Variants in RIF1 observed in about 807,000 individuals in gnomAD.
RIF1 encodes telomere-associated protein RIF1.
Under a neutral mutation model 247.1 loss-of-function variants are expected in RIF1, and 45 were observed. The ratio of observed to expected loss-of-function variants is 0.18; its 90% CI spans 0.14 to 0.23. The LOEUF (loss-of-function observed/expected upper bound fraction) is 0.23. Among genes scored for constraint, RIF1 ranks in the 10% least tolerant of loss-of-function variants. The pLI, the probability that RIF1 is intolerant of heterozygous loss-of-function variation, is 1.00. For missense variants in RIF1, 2,967 were observed against 2,862.5 expected (o/e 1.04, Z -0.83); for synonymous variants, 1,087 against 978.8 (o/e 1.11, Z -2.06).
chr2:151,513,648 G>A, the RIF1 span: 1 of 1,609,566 alleles, frequency 6.2e-7, no homozygotes, highest in East Asian at 2.2e-5. Context: ...ATGGCATTCA[G>A]GCCTCTTCCT....
In RIF1 at chr2:151,461,254, A is replaced by C; in HGVS notation, c.3192A>C (p.Leu1064Phe). Reference sequence around the variant, plus strand: ...GAAAAGATGCAAAGGAAAGAATATTAACTGATCATCAAAAAGAAGTTCTCA... The same window carrying C: ...GAAAAGATGCAAAGGAAAGAATATTCACTGATCATCAAAAAGAAGTTCTCA... ...PEGKDAKERILTDHQKEVLKT... is the reference protein window; with the variant it reads ...PEGKDAKERIFTDHQKEVLKT... The change falls in exon 27 of 36, where the codon TTA (leucine) becomes TTC (phenylalanine). Residue 1064 changes from leucine (L) to phenylalanine (F), a missense_variant. Coordinates refer to ENST00000444746, the MANE Select transcript of RIF1 (RefSeq NM_018151.5). 1 of 1,613,228 alleles carries C rather than the reference A, an allele frequency of 6.2e-7. No homozygotes were observed. Among genetic ancestry groups the C allele is most frequent in the Non-Finnish European group, 8.5e-7 (1 of 1,179,800 alleles).
chr2:151,448,322 G>A (rs183205819), intron 20 of RIF1, among the ~76,000 whole-genome samples: 3 of 152,270 alleles, frequency 2.0e-5, no homozygotes, highest in Non-Finnish European at 2.9e-5. Flanking sequence ...GGGATTACAG[G>A]TGTGAGCCGC....
chr2:151,480,097 G>A lies in RIF1; in HGVS notation c.*5026G>A, dbSNP rs1361252337. 1 of 152,068 alleles carries A rather than the reference G, an allele frequency of 6.6e-6. No individual in the cohort carries two copies. The highest frequency in any genetic ancestry group is 1.5e-5 in the Non-Finnish European group (1 of 67,988). 9.4% of individuals were successfully genotyped at this position (152,068 alleles called of 1,614,324 possible). On this transcript the variant is annotated 3_prime_UTR_variant, in exon 36 of 36. Coordinates refer to ENST00000444746, the MANE Select transcript of RIF1 (RefSeq NM_018151.5). ...AATCATTTTTTTCTTTACATACTAA[G>A]CCTTCCTTTCTCCAAAGAACAGTTA...
intron 13 of RIF1, 40 bp from the exon 14 acceptor site, chr2:151,438,644 G>T (rs746845361): frequency 1.6e-5 from 21 of 1,340,718 alleles, no homozygotes; most frequent in Non-Finnish European, 2.3e-5. Context: ...GTAGTCATAT[G>T]TACTTCATTT....
At chr2:151,514,746 G>A in the RIF1 span, 1 of 1,090,592 alleles carries the variant, frequency 9.2e-7, no homozygotes, top group Non-Finnish European at 1.3e-6. Flanking sequence ...ATGGTAGGAG[G>A]AACACATTAA....
rs747180863 is a variant in RIF1 at position 151,460,145 on chromosome 2, A to G, written c.3075+26A>G. On this transcript the variant is annotated intron_variant, in intron 26 of 35. Transcript: ENST00000444746. ...GTATGTTTTCAAAAGTTTAATCAAA[A>G]ATTTTAAGATAAAGTATATTGTAAC... The G allele has an allele frequency of 1.9e-5, 28 of 1,474,826 alleles. No homozygotes were observed. The South Asian group carries it at 3.5e-4, about 19-fold the overall frequency. The allele number at this position is 1,474,826 out of a possible 1,614,324, so 91.4% of individuals were successfully genotyped here. A position where few individuals can be genotyped will look rare whatever the true frequency, so the allele number is the denominator to read the frequency against.
chr2:151,515,863 A>G, the RIF1 span, among the ~76,000 whole-genome samples: 10 of 152,288 alleles, frequency 6.6e-5, no homozygotes, highest in East Asian at 1.9e-3. Flanking sequence ...ATTTTTCTTT[A>G]TAGTTGGAGG....
At chr2:151,489,921 C>T (rs781606419) in intron 9 of RIF1, 9 of 1,389,112 alleles carry the variant, frequency 6.5e-6, no homozygotes, top group South Asian at 1.2e-5. Context: ...CATGTTTGCA[C>T]ATATCAAAAA....
chr2:151,496,760 T>TTAAC (rs1429278880), intron 10 of RIF1, among the ~76,000 whole-genome samples: 1 of 151,910 alleles, frequency 6.6e-6, no homozygotes, highest in Non-Finnish European at 1.5e-5. Context: ...AAAATCAAAA[T>TTAAC]TAACTGTATT....
At chr2:151,454,485 T>C (rs986706831) in intron 21 of RIF1, among the ~76,000 whole-genome samples, 1 of 152,174 alleles carries the variant, frequency 6.6e-6, no homozygotes, top group African/African-American at 2.4e-5. Flanking sequence ...TCATTCTTAG[T>C]GGAAATTTTT....
intron 9 of RIF1, chr2:151,494,164 G>A: frequency 6.2e-7 from 1 of 1,603,642 alleles, no homozygotes. Context: ...ACAATACCGA[G>A]CTAATGTTTT....
At chr2:151,470,069 C>T (rs1268043648) in intron 34 of RIF1, among the ~76,000 whole-genome samples, 1 of 152,018 alleles carries the variant, frequency 6.6e-6, no homozygotes, top group Non-Finnish European at 1.5e-5. Flanking sequence ...TTCATTTCCA[C>T]CATTCGGTAT....
At chr2:151,489,379 G>A (rs1323781262) in intron 9 of RIF1, among the ~76,000 whole-genome samples, 1 of 151,716 alleles carries the variant, frequency 6.6e-6, no homozygotes, top group African/African-American at 2.4e-5. Context: ...ATGTATATAT[G>A]TGGGCACATT....
In RIF1 at chr2:151,475,968, A is replaced by T. The variant is rs1186392046; in HGVS notation, c.*897A>T. The stretch of plus-strand genomic sequence containing the variant: ...ATATTTGTAGGATACTGTATCTGCA[A>T]ATGCAACAACAAATAGTTTTGTACT... On this transcript the variant is annotated 3_prime_UTR_variant, in exon 36 of 36. Transcript: ENST00000444746. 6.6e-6 allele frequency: 1 copy of T among 152,614 alleles called. No individual in the cohort carries two copies. Among genetic ancestry groups the T allele is most frequent in the Non-Finnish European group, 1.5e-5 (1 of 68,010 alleles). 9.5% of individuals were successfully genotyped at this position (152,614 alleles called of 1,614,324 possible).
At chr2:151,428,997 G>T (rs920205213) in intron 9 of RIF1, 75 bp downstream of exon 9, 4 of 976,942 alleles carry the variant, frequency 4.1e-6, no homozygotes, top group African/African-American at 3.3e-5. Flanking sequence ...AGTTTTTCTG[G>T]TTTTTTGGAT....
At chr2:151,423,505 T>TGG (rs1688511380) in intron 8 of RIF1, 2 of 155,496 alleles carry the variant, frequency 1.3e-5, no homozygotes, top group African/African-American at 4.8e-5. Flanking sequence ...AAAATAAACT[T>TGG]TGTTCAGGCA....
chr2:151,493,392 C>G lies in RIF1; in HGVS notation c.*416-1837C>G, dbSNP rs749320722. 6 of 1,612,008 alleles carry G rather than the reference C, an allele frequency of 3.7e-6. No individual in the cohort carries two copies. Among genetic ancestry groups the G allele is most frequent in the Non-Finnish European group, 5.1e-6 (6 of 1,179,284 alleles). ...CTTGGTTGCGCTTAGCTCTCTCCAT[C>G]TCTGGAGTAACAGGTGTCGGAGTTG... is the stretch of plus-strand genomic sequence containing the variant. On this transcript the variant is annotated intron_variant and NMD_transcript_variant, in intron 9 of 13. Coordinates refer to the RIF1 transcript ENST00000454583.
At chr2:151,456,158 C>T (rs966308924) in intron 22 of RIF1, among the ~76,000 whole-genome samples, 1 of 152,074 alleles carries the variant, frequency 6.6e-6, no homozygotes, top group African/African-American at 2.4e-5. Context: ...TTCTTTATAG[C>T]AAGCTTGTGT....
Position 151,465,141 on chromosome 2 carries a change from A to G in RIF1, c.5621A>G (p.Gln1874Arg). The G allele has an allele frequency of 1.2e-6, 2 of 1,613,616 alleles. No homozygotes were observed. The highest frequency in any genetic ancestry group is 2.2e-5 in the East Asian group (1 of 44,864). The change falls in exon 30 of 36, where the codon CAG (glutamine) becomes CGG (arginine). Residue 1874 changes from glutamine to arginine, a missense_variant. By Grantham distance (43) the Gln-to-Arg change is conservative (BLOSUM62 1). This residue lies in a region of RIF1 where 2,028 missense variants were observed against 1,825.6 expected (regional missense o/e 1.11). Coordinates refer to ENST00000444746, the MANE Select transcript of RIF1 (RefSeq NM_018151.5). Reference sequence around the variant, plus strand: ...TTAGGAGACTCGAAAAATGTTTCACAGGAATCTTTGGAGACAAAAGAAGAA... The same window carrying G: ...TTAGGAGACTCGAAAAATGTTTCACGGGAATCTTTGGAGACAAAAGAAGAA... Reference protein sequence around the residue: ...PCLGDSKNVSQESLETKEEKP... With the variant: ...PCLGDSKNVSRESLETKEEKP...
Sources: gnomAD v4.1 joint callset for allele counts (sites outside exome capture counted in the v4.1 genomes callset) on GRCh38, gnomAD v4.1.1 for gene constraint, gnomAD v4.1.1 regional missense constraint, MANE v1.5 for transcripts, NCBI Gene and HGNC (gene_info 2026-07-23, HGNC 2026-07-21) for gene names.